LYN: variants seen among roughly 807,000 people sequenced by gnomAD.
The protein encoded by LYN is LYN proto-oncogene, Src family tyrosine kinase.
Under a neutral mutation model 65.0 loss-of-function variants are expected in LYN, and 12 were observed. That is an observed-to-expected ratio of 0.18 (90% CI 0.12 to 0.30). The LOEUF (loss-of-function observed/expected upper bound fraction) is 0.30. Ranked by LOEUF, LYN falls within the 10% of genes least tolerant of loss-of-function variation. The probability of loss-of-function intolerance (pLI) is 1.00; values close to 1 mark genes in which losing one functional copy is unlikely to be tolerated. For missense variants in LYN, 380 were observed against 623.2 expected, an observed-to-expected ratio of 0.61 and a Z score of 4.16; for synonymous variants, 222 against 221.2, an observed-to-expected ratio of 1.00 and a Z score of -0.03.
At chr8:55,911,703 T>G (rs773970110) in intron 1 of LYN, among the ~76,000 whole-genome samples, 3 of 152,080 alleles carry the variant, frequency 2.0e-5, no homozygotes, top group Admixed American at 6.6e-5. Context: ...CCCTGGAGAC[T>G]GAGGCAGGGA....
intron 10 of LYN, among the ~76,000 whole-genome samples, chr8:55,981,186 T>TCTTA (rs1270825785): frequency 6.6e-6 from 1 of 152,142 alleles, no homozygotes; most frequent in Non-Finnish European, 1.5e-5. Flanking sequence ...ACACCACACC[T>TCTTA]CTTATCAACA....
intron 1 of LYN, among the ~76,000 whole-genome samples, chr8:55,888,473 T>G (rs1804863710): frequency 6.6e-6 from 1 of 152,220 alleles, no homozygotes; most frequent in East Asian, 1.9e-4. Flanking sequence ...TTGCCTACAC[T>G]CTTTTACAAT....
intron 2 of LYN, among the ~76,000 whole-genome samples, chr8:55,944,911 CAGA>C (rs1198708660): frequency 2.0e-5 from 3 of 152,196 alleles, no homozygotes; most frequent in African/African-American, 7.2e-5. Flanking sequence ...AGTTAGAAAG[CAGA>C]AGTAGTAAAC....
intron 8 of LYN, 73 bp downstream of exon 8, chr8:55,954,057 C>A: frequency 1.3e-6 from 2 of 1,501,016 alleles, no homozygotes; most frequent in South Asian, 1.2e-5. Context: ...AAGCCAATTT[C>A]GATCAGCTTC....
At chr8:55,959,462 C>T (rs1585640126) in intron 8 of LYN, among the ~76,000 whole-genome samples, 2 of 152,118 alleles carry the variant, frequency 1.3e-5, no homozygotes, top group East Asian at 3.8e-4. Flanking sequence ...CAGGTAAGTT[C>T]AATTGACAGC....
In LYN at chr8:55,946,470, C is replaced by T; in HGVS notation, c.155C>T (p.Pro52Leu). 1 of 1,610,980 alleles carries T rather than the reference C, an allele frequency of 6.2e-7. No individual in the cohort carries two copies. Among genetic ancestry groups the T allele is most frequent in the Non-Finnish European group, 8.5e-7 (1 of 1,177,874 alleles). Residue 52 changes from proline (P) to leucine (L), a missense_variant, in exon 3 of 13, where the codon CCT (proline) becomes CTT (leucine). Transcript: ENST00000519728. ...QRPVPESQLL[P>L]GQRFQTKDPE... Reference sequence around the variant, plus strand: ...TAGGTTCCAGAATCTCAGCTTTTACCTGGACAGAGGTTTCAAACTAAAGGT... The same window carrying T: ...TAGGTTCCAGAATCTCAGCTTTTACTTGGACAGAGGTTTCAAACTAAAGGT...
intron 1 of LYN, among the ~76,000 whole-genome samples, chr8:55,930,197 C>G (rs138989984): frequency 5.6e-4 from 85 of 152,330 alleles, no homozygotes; most frequent in Admixed American, 1.2e-3. Flanking sequence ...TCTAGCTAAC[C>G]TAGACTCCTG....
At chr8:55,922,765 C>CAA (rs575010862) in intron 1 of LYN, among the ~76,000 whole-genome samples, 3,206 of 136,534 alleles carry the variant, frequency 0.023, 91 homozygotes, top group African/African-American at 0.069. Context: ...GAAATTCCAT[C>CAA]AAAAAAAAAA....
intron 1 of LYN, among the ~76,000 whole-genome samples, chr8:55,892,965 C>T (rs1804998067): frequency 6.6e-6 from 1 of 152,152 alleles, no homozygotes; most frequent in African/African-American, 2.4e-5. Context: ...ATCTGCCATT[C>T]TACTTCTAGT....
At chr8:55,923,904 C>T (rs1806019608) in intron 1 of LYN, among the ~76,000 whole-genome samples, 1 of 151,806 alleles carries the variant, frequency 6.6e-6, no homozygotes, top group Non-Finnish European at 1.5e-5. Context: ...AAAAAATACA[C>T]ATACATTGAA....
At chr8:55,944,009 G>A (rs1806701899) in intron 2 of LYN, among the ~76,000 whole-genome samples, 1 of 151,474 alleles carries the variant, frequency 6.6e-6, no homozygotes, top group Admixed American at 6.6e-5. Context: ...TTTGAACCAG[G>A]ACCCGGGAGG....
chr8:55,891,678 TTACGA>T (rs769966259), intron 1 of LYN, among the ~76,000 whole-genome samples: 4 of 152,320 alleles, frequency 2.6e-5, no homozygotes, highest in Admixed American at 6.5e-5. Context: ...CTTAAAATAG[TTACGA>T]TACAAGTTTT....
At chr8:55,967,002 A>G in intron 9 of LYN, 105 bp downstream of exon 9, 3 of 1,040,358 alleles carry the variant, frequency 2.9e-6, no homozygotes, top group Non-Finnish European at 1.4e-6. Flanking sequence ...CAAACAGTAT[A>G]CCCACTACCG....
intron 1 of LYN, among the ~76,000 whole-genome samples, chr8:55,918,274 C>G (rs1251721555): frequency 6.6e-6 from 1 of 152,238 alleles, no homozygotes; most frequent in African/African-American, 2.4e-5. Flanking sequence ...CCATTCCTCC[C>G]TCTCCTGTTA....
intron 10 of LYN, among the ~76,000 whole-genome samples, chr8:55,984,108 AAGATACC>A (rs1808007018): frequency 6.6e-6 from 1 of 152,058 alleles, no homozygotes; most frequent in Non-Finnish European, 1.5e-5. Flanking sequence ...TTCTCTCATA[AAGATACC>A]AGTGGTTCTA....
At position 55,909,810 on chromosome 8, in the gene LYN, G is replaced by A. The variant is rs1477819871; in HGVS notation, c.-6+29707G>A. ...TTGAATAATAGCCATTCTGAGTGGT[G>A]TAAGATGAAGTCTCATTGTGGTTTT... On this transcript the variant is annotated intron_variant, in intron 1 of 12. Transcript: ENST00000519728. Among the ~76,000 whole-genome samples the A allele has an allele frequency of 3.3e-5, 5 of 152,286 alleles. No homozygotes were observed. In the East Asian group the frequency reaches 9.6e-4, roughly 29 times the overall value.
chr8:55,997,791 A>G (rs1232964570), intron 10 of LYN, among the ~76,000 whole-genome samples: 1 of 152,238 alleles, frequency 6.6e-6, no homozygotes, highest in African/African-American at 2.4e-5. Flanking sequence ...ACATTAGAAA[A>G]TGTTAAGACA....
intron 8 of LYN, among the ~76,000 whole-genome samples, chr8:55,961,498 A>G (rs921087392): frequency 4.6e-5 from 7 of 152,168 alleles, no homozygotes; most frequent in Non-Finnish European, 8.8e-5. Context: ...ATCATCTGGG[A>G]GCTGCCGCCA....
intron 10 of LYN, among the ~76,000 whole-genome samples, chr8:55,985,242 G>A (rs2667979): frequency 0.3 from 45,062 of 152,072 alleles, 7,702 homozygotes; most frequent in African/African-American, 0.46. Flanking sequence ...GCATGGACAA[G>A]TCCTACCTGG....
Sources: gnomAD v4.1 joint callset for allele counts (sites outside exome capture counted in the v4.1 genomes callset) on GRCh38, gnomAD v4.1.1 for gene constraint, MANE v1.5 for transcripts, NCBI Gene and HGNC (gene_info 2026-07-23, HGNC 2026-07-21) for gene names.